The following LIPF variants were observed in gnomAD, a reference collection of about 807,000 sequenced individuals.
The protein encoded by LIPF is lipase F, gastric type, also known as gastric triacylglycerol lipase.
A neutral mutation model predicts 38.0 loss-of-function variants in LIPF; 25 were observed. That is an observed-to-expected ratio of 0.66 (90% CI 0.48 to 0.92). The LOEUF (loss-of-function observed/expected upper bound fraction) is 0.92, where lower values mean the gene tolerates loss of function less well. Among genes scored for constraint, LIPF ranks in the 40% least tolerant of loss-of-function variants. The probability of loss-of-function intolerance (pLI) is 0.00; values close to 1 mark genes in which losing one functional copy is unlikely to be tolerated. For missense variants in LIPF, 410 were observed against 469.9 expected, an observed-to-expected ratio of 0.87 and a Z score of 1.18; for synonymous variants, 161 against 156.2, an observed-to-expected ratio of 1.03 and a Z score of -0.23.
At chr10:88,675,442 A>G (rs1002277826) in intron 7 of LIPF, 144 bp from the exon 8 acceptor site, 29 of 630,872 alleles carry the variant, frequency 4.6e-5, no homozygotes, top group Non-Finnish European at 7.4e-5. Context: ...CTGAAGTGAC[A>G]TACAAATGTG....
chr10:88,667,304 C>G lies in LIPF; in HGVS notation c.7C>G (p.Leu3Val), dbSNP rs996840181. 6.2e-7 allele frequency: 1 copy of G among 1,608,002 alleles called. No individual in the cohort carries two copies. Among genetic ancestry groups the G allele is most frequent in the African/African-American group, 1.3e-5 (1 of 74,718 alleles). Residue 3 changes from leucine to valine, a missense_variant, in exon 2 of 10, where the codon CTG becomes GTG. Coordinates refer to ENST00000238983, the MANE Select transcript of LIPF (RefSeq NM_004190.4). ...TCTTTCAGGCAGGTCCAAAATGTGG[C>G]TGCTTTTAACAATGGCAAGTTTGAT... MW[L>V]LLTMASLISV... is the part of the protein sequence containing the mutation.
rs761122827 is a variant in LIPF, at chr10:88,669,941, C to T, written c.527C>T (p.Thr176Ile). The T allele has an allele frequency of 4.4e-6, 7 of 1,604,254 alleles. No homozygotes were observed. The highest frequency in any genetic ancestry group is 6.0e-6 in the Non-Finnish European group (7 of 1,172,122). Reference sequence around the variant, plus strand: ...TATGTTGGCCATTCCCAGGGCACCACCATTGGTAAGTAATGGCAGTCAAGG... The same window carrying T: ...TATGTTGGCCATTCCCAGGGCACCATCATTGGTAAGTAATGGCAGTCAAGG... ...LHYVGHSQGT[T>I]IGFIAFSTNP... Residue 176 changes from threonine (T) to isoleucine (I), a missense_variant, in exon 5 of 10, where the codon ACC becomes ATC. Physicochemically the swap from Thr to Ile is moderately conservative, Grantham distance 89. Transcript: ENST00000238983.
intron 8 of LIPF, 117 bp from the exon 9 acceptor site, chr10:88,676,092 A>G (rs1841681782): frequency 3.3e-6 from 2 of 614,546 alleles, no homozygotes; most frequent in Admixed American, 3.4e-5. Flanking sequence ...TTTTGGAATG[A>G]GAAAAATGTT....
chr10:88,676,971 G>C (rs17333949), intron 9 of LIPF, among the ~76,000 whole-genome samples: 1 of 152,104 alleles, frequency 6.6e-6, no homozygotes, highest in Non-Finnish European at 1.5e-5. Context: ...GTAAGCTCTC[G>C]GGTTATCACT....
rs527630275 is a variant in LIPF at position 88,673,190 on chromosome 10, A to T, written c.670-398A>T. 2.0e-5 allele frequency among the ~76,000 whole-genome samples: 3 copies of T among 152,270 alleles called. No individual in the cohort carries two copies. The South Asian group carries it at 6.2e-4, about 32-fold the overall frequency. Reference sequence around the variant, plus strand: ...TAAAGGCTTTGCTGAAAATATGGCCAAGTCACCATTTCTCCTCCCAAACTT... The same window carrying T: ...TAAAGGCTTTGCTGAAAATATGGCCTAGTCACCATTTCTCCTCCCAAACTT... On this transcript the variant is annotated intron_variant, in intron 6 of 9. Transcript: ENST00000238983.
intron 5 of LIPF, among the ~76,000 whole-genome samples, chr10:88,671,445 C>T (rs1046257570): frequency 6.6e-6 from 1 of 152,064 alleles, no homozygotes; most frequent in African/African-American, 2.4e-5. Flanking sequence ...CTTATATACT[C>T]TACTCATATT....
chr10:88,670,926 T>C (rs1841586842), intron 5 of LIPF, among the ~76,000 whole-genome samples: 1 of 152,068 alleles, frequency 6.6e-6, no homozygotes, highest in South Asian at 2.1e-4. Context: ...ATGAAGGGTG[T>C]TCTTGGAAAA....
intron 9 of LIPF, among the ~76,000 whole-genome samples, chr10:88,677,641 T>C (rs1304216464): frequency 1.3e-5 from 2 of 152,212 alleles, no homozygotes; most frequent in African/African-American, 2.4e-5. Context: ...AGTTGGCTAT[T>C]ACACAAAATG....
In LIPF at chr10:88,668,647, A is replaced by G; in HGVS notation, c.313A>G (p.Ile105Val). Residue 105 changes from isoleucine to valine, a missense_variant, in exon 4 of 10, where the codon ATT (isoleucine) becomes GTT (valine). Transcript: ENST00000238983. ...CCTGCCGAACAACAGCCTTGCCTTC[A>G]TTCTGGCAGATGCTGGTTATGATGT... is the stretch of plus-strand genomic sequence containing the variant. Reference protein sequence around the residue: ...SNLPNNSLAFILADAGYDVWL... With the variant: ...SNLPNNSLAFVLADAGYDVWL... 1 of 1,614,212 alleles carries G rather than the reference A, an allele frequency of 6.2e-7. No homozygotes were observed. The highest frequency in any genetic ancestry group is 8.5e-7 in the Non-Finnish European group (1 of 1,180,028).
At chr10:88,676,422 T>A (rs1000542651) in intron 9 of LIPF, 142 bp downstream of exon 9, 32 of 621,588 alleles carry the variant, frequency 5.1e-5, no homozygotes, top group East Asian at 4.9e-4. Flanking sequence ...CACATGACTA[T>A]GCATTCCTGC....
chr10:88,673,699 A>G lies in LIPF; in HGVS notation c.781A>G (p.Ile261Val). Residue 261 changes from isoleucine (I) to valine (V), a missense_variant, in exon 7 of 10, where the codon ATA (isoleucine) becomes GTA (valine). By Grantham distance (29) the Ile-to-Val change is conservative. Transcript: ENST00000238983. ...TCTCCTTTGCAGCAATGCCTTATTT[A>G]TAATTTGTGGATTTGACAGTAAGAA... ...LNLLCSNALF[I>V]ICGFDSKNFN... is the part of the protein sequence containing the mutation. 6.2e-7 allele frequency: 1 copy of G among 1,613,440 alleles called. No individual in the cohort carries two copies. The highest frequency in any genetic ancestry group is 1.1e-5 in the South Asian group (1 of 90,992).
rs1350331960 is a variant in LIPF at position 88,664,467 on chromosome 10, A to G, written c.-36A>G. On this transcript the variant is annotated 5_prime_UTR_variant, in exon 1 of 10. Coordinates refer to ENST00000238983, the MANE Select transcript of LIPF (RefSeq NM_004190.4). ...AAATACTAACCAGCCAGAGAAACAGAATCCTAACTATTTCTGAGGAAACTG... is the reference window on the plus strand; with the variant it reads ...AAATACTAACCAGCCAGAGAAACAGGATCCTAACTATTTCTGAGGAAACTG... 6.5e-6 allele frequency: 1 copy of G among 152,856 alleles called. No individual in the cohort carries two copies. Among genetic ancestry groups the G allele is most frequent in the Non-Finnish European group, 1.5e-5 (1 of 68,072 alleles). The allele number at this position is 152,856 out of a possible 1,614,324, so 9.5% of individuals were successfully genotyped here. A position where few individuals can be genotyped will look rare whatever the true frequency, so the allele number is the denominator to read the frequency against.
At chr10:88,669,697 TC>T (rs1841565359) in intron 4 of LIPF, 139 bp from the exon 5 acceptor site, 1 of 552,266 alleles carries the variant, frequency 1.8e-6, no homozygotes, top group South Asian at 2.6e-5. Flanking sequence ...GCACCTGACA[TC>T]CACTGATGGT....
chr10:88,669,307 C>CT (rs1412043294), intron 4 of LIPF: 1 of 158,088 alleles, frequency 6.3e-6, no homozygotes, highest in Non-Finnish European at 1.4e-5. Flanking sequence ...GAAAGGAAAC[C>CT]TGTGTGTCCC....
chr10:88,664,507 G>A lies in LIPF; in HGVS notation c.-12+16G>A, dbSNP rs1316604850. The A allele has an allele frequency of 6.5e-6, 1 of 152,682 alleles. No homozygotes were observed. The highest frequency in any genetic ancestry group is 2.4e-5 in the African/African-American group (1 of 41,446). 9.5% of individuals were successfully genotyped at this position (152,682 alleles called of 1,614,324 possible). On this transcript the variant is annotated intron_variant, in intron 1 of 9. Transcript: ENST00000238983. Reference sequence around the variant, plus strand: ...TGAGGAAACTGTAAGTAGAACTTCTGCTGAACAAAATTGTTATTTGAATTA... The same window carrying A: ...TGAGGAAACTGTAAGTAGAACTTCTACTGAACAAAATTGTTATTTGAATTA...
At chr10:88,675,727 T>C (rs1841676790) in intron 8 of LIPF, 70 bp downstream of exon 8, 5 of 1,110,866 alleles carry the variant, frequency 4.5e-6, no homozygotes, top group Non-Finnish European at 6.8e-6. Context: ...CCTAAACACA[T>C]TCTTAAAATA....
chr10:88,677,594 G>A (rs962672401), intron 9 of LIPF, among the ~76,000 whole-genome samples: 5 of 152,060 alleles, frequency 3.3e-5, no homozygotes, highest in African/African-American at 1.2e-4. Flanking sequence ...GAAAATATTA[G>A]GGAAAATTAC....
At chr10:88,678,391 C>G in intron 9 of LIPF, 54 bp from the exon 10 acceptor site, 1 of 1,246,928 alleles carries the variant, frequency 8.0e-7, no homozygotes, top group Non-Finnish European at 1.2e-6. Context: ...ATAGTAAGTA[C>G]TGGGTTTAAA....
chr10:88,665,171 C>A (rs1403443470), intron 1 of LIPF, among the ~76,000 whole-genome samples: 1 of 152,124 alleles, frequency 6.6e-6, no homozygotes, highest in Non-Finnish European at 1.5e-5. Context: ...TTTAGCCTTA[C>A]CTTGCTTATT....
Sources: allele counts gnomAD v4.1 joint callset (sites outside exome capture counted in the v4.1 genomes callset), GRCh38; gene constraint gnomAD v4.1.1; transcripts MANE v1.5; gene names NCBI Gene and HGNC (gene_info 2026-07-23, HGNC 2026-07-21).